FSTL5: variants seen among roughly 807,000 people sequenced by gnomAD.
The protein encoded by FSTL5 is follistatin like 5.
A neutral mutation model predicts 89.1 loss-of-function variants in FSTL5; 62 were observed. The ratio of observed to expected loss-of-function variants is 0.70; its 90% CI spans 0.57 to 0.86. The LOEUF is 0.86. Ranked by LOEUF, FSTL5 falls within the 40% of genes least tolerant of loss-of-function variation. The pLI, the probability that FSTL5 is intolerant of heterozygous loss-of-function variation, is 0.00. For synonymous variants in FSTL5, 383 were observed against 346.2 expected, an observed-to-expected ratio of 1.11 and a Z score of -1.18; for missense variants, 1,057 against 1,001.6, an observed-to-expected ratio of 1.06 and a Z score of -0.75.
At chr4:162,055,544 T>TAGAC (rs1052557927) in intron 2 of FSTL5, among the ~76,000 whole-genome samples, 43 of 151,632 alleles carry the variant, frequency 2.8e-4, no homozygotes, top group African/African-American at 7.7e-4. Context: ...GATAGATAGA[T>TAGAC]AGATAGATAG....
chr4:161,807,803 T>C (rs545298206), intron 4 of FSTL5, among the ~76,000 whole-genome samples: 2 of 152,308 alleles, frequency 1.3e-5, no homozygotes, highest in East Asian at 3.9e-4. Flanking sequence ...GTCCCTGGGT[T>C]GAATTTCCCA....
intron 6 of FSTL5, among the ~76,000 whole-genome samples, chr4:161,713,473 C>G (rs1200234883): frequency 6.6e-6 from 1 of 152,102 alleles, no homozygotes; most frequent in African/African-American, 2.4e-5. Context: ...CTAATGTTCA[C>G]CATAACTTTC....
At position 161,618,323 on chromosome 4, in the gene FSTL5, C is replaced by G. The variant is rs527857245; in HGVS notation, c.895-30748G>C. On this transcript the variant is annotated intron_variant, in intron 7 of 15. Transcript: ENST00000306100. ...AATTGAATACCTTTTATTTCCTTCTCCTGCCTAATTGCCCTGGCCAGAACT... is the reference window on the plus strand; with the variant it reads ...AATTGAATACCTTTTATTTCCTTCTGCTGCCTAATTGCCCTGGCCAGAACT... Among the ~76,000 whole-genome samples, 8 of 136,014 alleles carry G rather than the reference C, an allele frequency of 5.9e-5. No homozygotes were observed. The South Asian group carries it at 1.8e-3, about 31-fold the overall frequency. The allele number at this position is 136,014 out of a possible 152,430, so 89.2% of individuals were successfully genotyped here.
At chr4:161,676,066 T>C (rs1737289940) in intron 6 of FSTL5, among the ~76,000 whole-genome samples, 1 of 152,160 alleles carries the variant, frequency 6.6e-6, no homozygotes, top group Non-Finnish European at 1.5e-5. Flanking sequence ...TACAGAATGT[T>C]AGTTTCATCA....
At chr4:161,730,109 C>A (rs1445234697) in intron 6 of FSTL5, among the ~76,000 whole-genome samples, 1 of 152,134 alleles carries the variant, frequency 6.6e-6, no homozygotes, top group Non-Finnish European at 1.5e-5. Flanking sequence ...GCTTTTATTT[C>A]ATGACAGTAT....
intron 4 of FSTL5, among the ~76,000 whole-genome samples, chr4:161,801,589 G>A (rs1729795012): frequency 6.6e-6 from 1 of 151,328 alleles, no homozygotes; most frequent in Non-Finnish European, 1.5e-5. Context: ...TATCTCTTAT[G>A]TAGCCCTAAA....
In FSTL5 at chr4:162,111,227, A is replaced by G. The variant is rs780006570; in HGVS notation, c.126+44T>C. The G allele has an allele frequency of 2.4e-4, 352 of 1,462,884 alleles. 6 individuals are homozygous for G. The East Asian group carries it at 6.4e-3, about 27-fold the overall frequency. 90.6% of individuals were successfully genotyped at this position (1,462,884 alleles called of 1,614,324 possible). On this transcript the variant is annotated intron_variant, in intron 2 of 15. Transcript: ENST00000306100. ...AACCAGAAAACTAATAGCTTAGTTT[A>G]TAATTGGCAGGCACTATGAGCAGAT...
chr4:161,460,753 G>A (rs1003606375), intron 13 of FSTL5, among the ~76,000 whole-genome samples: 1 of 151,974 alleles, frequency 6.6e-6, no homozygotes, highest in Non-Finnish European at 1.5e-5. Context: ...TTATATTAGT[G>A]TCTTTACCCC....
chr4:161,613,804 A>T (rs1734741574), intron 7 of FSTL5, among the ~76,000 whole-genome samples: 1 of 152,192 alleles, frequency 6.6e-6, no homozygotes, highest in African/African-American at 2.4e-5. Flanking sequence ...ATTTATAATT[A>T]TATGAAAGTA....
At chr4:162,128,211 T>G (rs1320500743) in intron 1 of FSTL5, among the ~76,000 whole-genome samples, 1 of 152,192 alleles carries the variant, frequency 6.6e-6, no homozygotes, top group African/African-American at 2.4e-5. Flanking sequence ...GTCTGTAGTA[T>G]TTTTACATAT....
At chr4:161,800,373 C>T (rs1452021268) in intron 4 of FSTL5, among the ~76,000 whole-genome samples, 1 of 151,698 alleles carries the variant, frequency 6.6e-6, no homozygotes, top group East Asian at 1.9e-4. Context: ...ACTACAGCAA[C>T]TGTCACTGTC....
At chr4:161,719,383 C>A (rs1368650784) in intron 6 of FSTL5, among the ~76,000 whole-genome samples, 1 of 152,010 alleles carries the variant, frequency 6.6e-6, no homozygotes, top group Non-Finnish European at 1.5e-5. Flanking sequence ...TGACATTAAT[C>A]AAATGTCATA....
rs1454115913 is a variant in FSTL5, at chr4:161,738,327, G to T, written c.727+21084C>A. 1.1e-4 allele frequency among the ~76,000 whole-genome samples: 17 copies of T among 151,952 alleles called. 1 individual carries two copies. Among genetic ancestry groups the T allele is most frequent in the Admixed American group, 1.1e-3 (17 of 15,248 alleles). ...CCATCTTATGGTGCTGGCTTAAGAA[G>T]CCTAGAAAGCCTTTACAATACATAT... On this transcript the variant is annotated intron_variant, in intron 6 of 15. Coordinates refer to ENST00000306100, the MANE Select transcript of FSTL5 (RefSeq NM_020116.5).
intron 4 of FSTL5, among the ~76,000 whole-genome samples, chr4:161,894,254 G>C (rs1032071330): frequency 6.6e-6 from 1 of 151,776 alleles, no homozygotes; most frequent in Non-Finnish European, 1.5e-5. Context: ...TTTCTATTAC[G>C]TGATAATGGT....
chr4:162,015,632 G>A (rs1280323415), intron 3 of FSTL5, among the ~76,000 whole-genome samples: 3 of 152,092 alleles, frequency 2.0e-5, no homozygotes, highest in Non-Finnish European at 4.4e-5. Flanking sequence ...ACTATTCACT[G>A]ACCAAGTAGC....
intron 3 of FSTL5, among the ~76,000 whole-genome samples, chr4:161,983,236 T>G (rs1449318937): frequency 1.3e-5 from 2 of 152,112 alleles, no homozygotes; most frequent in African/African-American, 4.8e-5. Flanking sequence ...AAGTCAGGGG[T>G]GTGTCTGTGT....
chr4:162,157,038 T>C (rs546695304), intron 1 of FSTL5, among the ~76,000 whole-genome samples: 1 of 152,322 alleles, frequency 6.6e-6, no homozygotes, highest in South Asian at 2.1e-4. Context: ...TCAGAAATTT[T>C]GTCTCATTAT....
chr4:161,786,088 G>C (rs62330829), intron 4 of FSTL5, among the ~76,000 whole-genome samples: 1 of 151,798 alleles, frequency 6.6e-6, no homozygotes, highest in African/African-American at 2.4e-5. Flanking sequence ...ATTGACATCT[G>C]ACCTTGTCTT....
chr4:161,429,862 G>A (rs963665953), intron 15 of FSTL5, among the ~76,000 whole-genome samples: 4 of 151,852 alleles, frequency 2.6e-5, no homozygotes, highest in Non-Finnish European at 4.4e-5. Context: ...AATACCACAC[G>A]GGAAAAAAAT....
Sources: allele counts gnomAD v4.1 joint callset (sites outside exome capture counted in the v4.1 genomes callset), GRCh38; gene constraint gnomAD v4.1.1; transcripts MANE v1.5; gene names NCBI Gene and HGNC (gene_info 2026-07-23, HGNC 2026-07-21).